Variants in CHCHD6 observed in about 807,000 individuals in gnomAD.
CHCHD6 encodes the protein coiled-coil-helix-coiled-coil-helix domain containing 6, also known as MICOS complex subunit MIC25.
A neutral mutation model predicts 32.3 loss-of-function variants in CHCHD6; 28 were observed. The ratio of observed to expected loss-of-function variants is 0.87; its 90% CI spans 0.64 to 1.19. The LOEUF is 1.19. CHCHD6 is among the 50% of genes most tolerant of loss of function. The pLI is 0.00. For missense variants in CHCHD6, 333 were observed against 307.0 expected (o/e 1.08, Z -0.63); for synonymous variants, 122 against 117.5 (o/e 1.04, Z -0.25).
Position 126,865,769 on chromosome 3 carries a change from TCA to T in CHCHD6, c.495+13040_495+13041del, listed in dbSNP as rs1314068706. 5.1e-6 allele frequency: 5 copies of T among 972,830 alleles called. No homozygotes were observed. The African/African-American group carries it at 7.0e-5, about 14-fold the overall frequency. The allele number at this position is 972,830 out of a possible 1,614,324, so 60.3% of individuals were successfully genotyped here. On this transcript the variant is annotated intron_variant, in intron 5 of 7. Coordinates refer to ENST00000290913, the MANE Select transcript of CHCHD6 (RefSeq NM_032343.3). ...TTTGCTAAAGATGTGTTTCTTTACC[TCA>T]GTCTCATCTACTACTTTGCAGAAAT...
In CHCHD6 at chr3:126,957,396, C is replaced by T; in HGVS notation, c.567-20C>T. The T allele has an allele frequency of 1.2e-6, 2 of 1,606,394 alleles. No homozygotes were observed. The highest frequency in any genetic ancestry group is 2.2e-5 in the East Asian group (1 of 44,622). ...TGCTGGCACCTGAGCCCCAGGCCTG[C>T]CTGCTCTTGTCTTCTGCAGGCCCCG... On this transcript the variant is annotated intron_variant, in intron 6 of 7. Transcript: ENST00000290913.
At chr3:126,833,946 T>C (rs1280872966) in intron 4 of CHCHD6, among the ~76,000 whole-genome samples, 1 of 143,858 alleles carries the variant, frequency 7.0e-6, no homozygotes, top group African/African-American at 2.6e-5. Context: ...CCTAGCTACT[T>C]GGGAGGCTGA....
chr3:126,740,013 C>A (rs997243831), intron 4 of CHCHD6, among the ~76,000 whole-genome samples: 1 of 152,180 alleles, frequency 6.6e-6, no homozygotes, highest in South Asian at 2.1e-4. Flanking sequence ...TTTTGACAGG[C>A]TATTAGTGTG....
At chr3:126,804,333 AAAAG>A (rs1240037372) in intron 4 of CHCHD6, among the ~76,000 whole-genome samples, 17 of 152,124 alleles carry the variant, frequency 1.1e-4, no homozygotes, top group African/African-American at 2.4e-4. Context: ...AATAAAGAAA[AAAAG>A]AGAGAAGAAT....
At chr3:126,770,632 T>C (rs1389816164) in intron 4 of CHCHD6, among the ~76,000 whole-genome samples, 1 of 152,252 alleles carries the variant, frequency 6.6e-6, no homozygotes, top group Non-Finnish European at 1.5e-5. Flanking sequence ...CCACATTTAT[T>C]GATATGCGTA....
At chr3:126,901,068 C>T (rs2077919995) in intron 5 of CHCHD6, among the ~76,000 whole-genome samples, 3 of 152,170 alleles carry the variant, frequency 2.0e-5, no homozygotes, top group Non-Finnish European at 2.9e-5. Context: ...AGTAGGGACA[C>T]GGATCCAAAC....
At chr3:126,909,353 T>C (rs1257006521) in intron 5 of CHCHD6, among the ~76,000 whole-genome samples, 1 of 152,240 alleles carries the variant, frequency 6.6e-6, no homozygotes, top group African/African-American at 2.4e-5. Context: ...TATTCTGGCT[T>C]TGGGGCAGGG....
At chr3:126,723,572 A>T (rs1286519543) in intron 1 of CHCHD6, among the ~76,000 whole-genome samples, 3 of 152,160 alleles carry the variant, frequency 2.0e-5, no homozygotes, top group African/African-American at 7.2e-5. Context: ...CTTTTTAAAC[A>T]ATCAGCAGTA....
intron 4 of CHCHD6, among the ~76,000 whole-genome samples, chr3:126,819,304 G>A (rs1940053480): frequency 6.6e-6 from 1 of 152,208 alleles, no homozygotes. Context: ...AGATTGGTAT[G>A]TGGGACTTAT....
intron 5 of CHCHD6, among the ~76,000 whole-genome samples, chr3:126,907,374 G>A (rs1272840243): frequency 1.3e-5 from 2 of 152,176 alleles, no homozygotes; most frequent in African/African-American, 2.4e-5. Flanking sequence ...GCCACTTAAC[G>A]AAATTAAAAT....
intron 5 of CHCHD6, among the ~76,000 whole-genome samples, chr3:126,871,078 T>G (rs2107567328): frequency 6.6e-6 from 1 of 152,316 alleles, no homozygotes; most frequent in Admixed American, 6.5e-5. Context: ...TCACAATCTC[T>G]TCCCTGACAT....
chr3:126,830,722 C>T (rs9289284), intron 4 of CHCHD6, among the ~76,000 whole-genome samples: 18,647 of 152,220 alleles, frequency 0.12, 1,297 homozygotes, highest in South Asian at 0.28. Context: ...CTACTTTTAA[C>T]ATGGACAGAG....
intron 5 of CHCHD6, among the ~76,000 whole-genome samples, chr3:126,877,639 C>T (rs1477731407): frequency 6.6e-6 from 1 of 151,776 alleles, no homozygotes; most frequent in Non-Finnish European, 1.5e-5. Context: ...TATCAGATAC[C>T]ACAACCACAC....
At chr3:126,899,494 G>A (rs10512671) in intron 5 of CHCHD6, among the ~76,000 whole-genome samples, 8,719 of 152,108 alleles carry the variant, frequency 0.057, 789 homozygotes, top group African/African-American at 0.19. Context: ...TATAGCCCAC[G>A]CGTTTCTGAG....
At chr3:126,756,761 G>A (rs1283321001) in intron 4 of CHCHD6, among the ~76,000 whole-genome samples, 1 of 152,136 alleles carries the variant, frequency 6.6e-6, no homozygotes, top group Admixed American at 6.5e-5. Context: ...CAGGCATTGG[G>A]GATACAGCAG....
At chr3:126,960,159 T>C (rs1167828977) in intron 7 of CHCHD6, 37 bp from the exon 8 acceptor site, 4 of 1,550,778 alleles carry the variant, frequency 2.6e-6, no homozygotes, top group South Asian at 2.4e-5. Flanking sequence ...ATGGGCGGAG[T>C]GGGCCCTGAC....
intron 1 of CHCHD6, among the ~76,000 whole-genome samples, chr3:126,705,033 G>T (rs1417065668): frequency 6.6e-6 from 1 of 152,148 alleles, no homozygotes; most frequent in Non-Finnish European, 1.5e-5. Context: ...CTCGTCCCCA[G>T]CCTCAGGACC....
chr3:126,838,001 A>G (rs951628941), intron 4 of CHCHD6, among the ~76,000 whole-genome samples: 1 of 152,172 alleles, frequency 6.6e-6, no homozygotes, highest in East Asian at 1.9e-4. Context: ...TCTCCCAGCC[A>G]TGGGCACCAT....
intron 6 of CHCHD6, among the ~76,000 whole-genome samples, chr3:126,946,354 A>G (rs1408638115): frequency 1.3e-5 from 2 of 152,218 alleles, no homozygotes; most frequent in Admixed American, 1.3e-4. Context: ...CAACAAAGAA[A>G]CAAAGAGGAA....
Sources: gnomAD v4.1 joint callset for allele counts (sites outside exome capture counted in the v4.1 genomes callset) on GRCh38, gnomAD v4.1.1 for gene constraint, MANE v1.5 for transcripts, NCBI Gene and HGNC (gene_info 2026-07-23, HGNC 2026-07-21) for gene names.